PPP1R9A: variants seen among roughly 807,000 people sequenced by gnomAD.
PPP1R9A encodes neurabin-1.
A neutral mutation model predicts 141.9 loss-of-function variants in PPP1R9A; 59 were observed. That is an observed-to-expected ratio of 0.42 (90% CI 0.34 to 0.52). The LOEUF is 0.52. PPP1R9A is among the 20% of genes least tolerant of loss of function. The probability of loss-of-function intolerance (pLI) is 0.10; values close to 1 mark genes in which losing one functional copy is unlikely to be tolerated. For synonymous variants in PPP1R9A, 500 were observed against 569.7 expected (o/e 0.88, Z 1.74); for missense variants, 1,444 against 1,611.9 (o/e 0.90, Z 1.78).
At chr7:95,229,686 C>T (rs115993402) in intron 8 of PPP1R9A, among the ~76,000 whole-genome samples, 123 of 152,230 alleles carry the variant, frequency 8.1e-4, no homozygotes, top group African/African-American at 2.7e-3. Flanking sequence ...CTCTACCCAC[C>T]CTGGTAGCTG....
At chr7:94,933,501 G>A (rs1013989022) in intron 2 of PPP1R9A, among the ~76,000 whole-genome samples, 2 of 152,084 alleles carry the variant, frequency 1.3e-5, no homozygotes, top group Admixed American at 6.6e-5. Context: ...GCTCCAGTGT[G>A]ATTAACACTG....
chr7:95,036,704 T>C (rs1202933676), intron 2 of PPP1R9A: 1 of 152,248 alleles, frequency 6.6e-6, no homozygotes, highest in African/African-American at 2.4e-5. Context: ...GAAAATGGCT[T>C]CTGCTTCGCT....
intron 2 of PPP1R9A, among the ~76,000 whole-genome samples, chr7:95,004,604 C>G (rs114452103): frequency 6.6e-6 from 1 of 152,090 alleles, no homozygotes; most frequent in Non-Finnish European, 1.5e-5. Flanking sequence ...TACTACGTGC[C>G]TAAATGAACC....
intron 2 of PPP1R9A, among the ~76,000 whole-genome samples, chr7:95,053,209 TAAAAG>T (rs1451998396): frequency 6.6e-6 from 1 of 152,194 alleles, no homozygotes; most frequent in African/African-American, 2.4e-5. Context: ...AACTCATTGT[TAAAAG>T]AAAAGCAAAT....
At chr7:95,261,238 G>A (rs560426900) in intron 12 of PPP1R9A, among the ~76,000 whole-genome samples, 1 of 152,186 alleles carries the variant, frequency 6.6e-6, no homozygotes, top group African/African-American at 2.4e-5. Flanking sequence ...CATCTGTAAA[G>A]TTAAAACTGA....
At position 95,134,979 on chromosome 7, in the gene PPP1R9A, G is replaced by A. The variant is rs1306795011; in HGVS notation, c.1649+14147G>A. On this transcript the variant is annotated intron_variant, in intron 4 of 19. Transcript: ENST00000433360. ...GACTTTCGTTATTTGGAAAAACACT[G>A]TGACTTCTGAATCCATCTATTCTCA... Among the ~76,000 whole-genome samples, 5 of 152,186 alleles carry A rather than the reference G, an allele frequency of 3.3e-5. 1 individual carries two copies. The highest frequency in any genetic ancestry group is 1.2e-4 in the African/African-American group (5 of 41,530).
intron 8 of PPP1R9A, among the ~76,000 whole-genome samples, chr7:95,240,543 G>T (rs1797302542): frequency 6.6e-6 from 1 of 150,624 alleles, no homozygotes; most frequent in African/African-American, 2.4e-5. Context: ...ATTTTTTATA[G>T]CATTAATTAT....
chr7:95,212,514 G>C (rs1410912572), intron 7 of PPP1R9A, among the ~76,000 whole-genome samples: 1 of 152,100 alleles, frequency 6.6e-6, no homozygotes, highest in Non-Finnish European at 1.5e-5. Context: ...TTTATTATTT[G>C]TATGAGCCCT....
chr7:95,272,728 G>A (rs1802404051), intron 14 of PPP1R9A, among the ~76,000 whole-genome samples: 1 of 152,108 alleles, frequency 6.6e-6, no homozygotes, highest in Non-Finnish European at 1.5e-5. Flanking sequence ...GTCGATGTGT[G>A]TTGAGAAATT....
At chr7:94,949,360 A>C (rs755046501) in intron 2 of PPP1R9A, among the ~76,000 whole-genome samples, 1 of 152,154 alleles carries the variant, frequency 6.6e-6, no homozygotes, top group Non-Finnish European at 1.5e-5. Context: ...GGTGAATTTC[A>C]TGAGGACTAT....
intron 5 of PPP1R9A, among the ~76,000 whole-genome samples, chr7:95,164,741 C>CTTTTTTTTTTTTTTTTTTT (rs200177321): frequency 1.5e-5 from 1 of 66,130 alleles, no homozygotes; most frequent in Non-Finnish European, 2.8e-5. Flanking sequence ...CTTTTCTTTT[C>CTTTTTTTTTTTTTTTTTTT]TTTTTTTTTT....
Position 95,290,939 on chromosome 7 carries a change from TTATAGC to T in PPP1R9A, c.*640_*645del, listed in dbSNP as rs1445745966. ...AGGCATCAAAAAGAAAGAAAATAAA[TTATAGC>T]TATTTGTTAACCACTGAAAAAAGCA... On this transcript the variant is annotated 3_prime_UTR_variant, in exon 20 of 20. Transcript: ENST00000433360. The T allele has an allele frequency of 1.3e-5, 2 of 152,258 alleles. No homozygotes were observed. Among genetic ancestry groups the T allele is most frequent in the African/African-American group, 2.4e-5 (1 of 41,414 alleles). The allele number at this position is 152,258 out of a possible 1,614,324, so 9.4% of individuals were successfully genotyped here.
chr7:94,950,091 T>C (rs1011799219), intron 2 of PPP1R9A, among the ~76,000 whole-genome samples: 3 of 152,104 alleles, frequency 2.0e-5, no homozygotes, highest in Non-Finnish European at 4.4e-5. Context: ...AAGTTAGGAT[T>C]TTATGGAAAG....
chr7:94,999,522 AAATCAACAG>A (rs1403087935), intron 2 of PPP1R9A, among the ~76,000 whole-genome samples: 1 of 152,062 alleles, frequency 6.6e-6, no homozygotes, highest in African/African-American at 2.4e-5. Flanking sequence ...TTAAAAAAGA[AAATCAACAG>A]AAAACACCAA....
intron 2 of PPP1R9A, among the ~76,000 whole-genome samples, chr7:95,088,422 A>G (rs560975239): frequency 2.0e-5 from 3 of 152,016 alleles, no homozygotes; most frequent in Non-Finnish European, 2.9e-5. Flanking sequence ...TTGAATTTGG[A>G]AAGTTTCACT....
At chr7:95,100,189 G>A (rs934379440) in intron 2 of PPP1R9A, among the ~76,000 whole-genome samples, 2 of 152,150 alleles carry the variant, frequency 1.3e-5, no homozygotes, top group African/African-American at 4.8e-5. Flanking sequence ...GGAGGCCGAG[G>A]TGGGAGGATT....
rs1453655754 is a variant in PPP1R9A at position 94,947,169 on chromosome 7, G to A, written c.1395+35661G>A. On this transcript the variant is annotated intron_variant, in intron 2 of 19. Transcript: ENST00000433360. ...AGGCCATGGAGCCAGGAACTGATAT[G>A]CTCACCCTCTGGAGCTGGTCAGGTG... Among the ~76,000 whole-genome samples, 3 of 152,236 alleles carry A rather than the reference G, an allele frequency of 2.0e-5. No individual in the cohort carries two copies. The East Asian group carries it at 5.8e-4, about 29-fold the overall frequency.
intron 2 of PPP1R9A, among the ~76,000 whole-genome samples, chr7:95,097,422 A>G (rs1818192147): frequency 6.6e-6 from 1 of 151,188 alleles, no homozygotes. Context: ...AGAGAGAGAA[A>G]GTATGAAGTG....
In PPP1R9A at chr7:95,290,433, C is replaced by A; in HGVS notation, c.*130C>A. ...ATGCGGCTCTAGGCCGGCTGAGGAA[C>A]TGTGTGTTGAATAACTGCATTTTCT... On this transcript the variant is annotated 3_prime_UTR_variant, in exon 20 of 20. Coordinates refer to ENST00000433360, the MANE Select transcript of PPP1R9A (RefSeq NM_001166160.2). 1 of 1,056,756 alleles carries A rather than the reference C, an allele frequency of 9.5e-7. No individual in the cohort carries two copies. Among genetic ancestry groups the A allele is most frequent in the Non-Finnish European group, 1.3e-6 (1 of 747,542 alleles). 65.5% of individuals were successfully genotyped at this position (1,056,756 alleles called of 1,614,324 possible). A position where few individuals can be genotyped will look rare whatever the true frequency, so the allele number is the denominator to read the frequency against.
Sources: allele counts gnomAD v4.1 joint callset (sites outside exome capture counted in the v4.1 genomes callset), GRCh38; gene constraint gnomAD v4.1.1; transcripts MANE v1.5; gene names NCBI Gene and HGNC (gene_info 2026-07-23, HGNC 2026-07-21).